Variants in RSAD2 observed in about 807,000 individuals in gnomAD.
RSAD2 encodes S-adenosylmethionine-dependent nucleotide dehydratase RSAD2.
A neutral mutation model predicts 37.7 loss-of-function variants in RSAD2; 38 were observed. That is an observed-to-expected ratio of 1.01 (90% CI 0.78 to 1.32). The LOEUF (loss-of-function observed/expected upper bound fraction) is 1.32. RSAD2 is among the 40% of genes most tolerant of loss of function. The pLI is 0.00. For missense variants in RSAD2, 428 were observed against 437.5 expected, an observed-to-expected ratio of 0.98 and a Z score of 0.19; for synonymous variants, 163 against 157.4, an observed-to-expected ratio of 1.04 and a Z score of -0.27.
Position 6,896,086 on chromosome 2 carries a change from C to A in RSAD2, c.*144C>A. 1.6e-6 allele frequency: 1 copy of A among 643,084 alleles called. No individual in the cohort carries two copies. Among genetic ancestry groups the A allele is most frequent in the Non-Finnish European group, 2.6e-6 (1 of 387,152 alleles). 39.8% of individuals were successfully genotyped at this position (643,084 alleles called of 1,614,324 possible). ...CACGTGGCATCTGATTACCTGTGGT[C>A]ACTGAACACACGAATAACTTGGATA... On this transcript the variant is annotated 3_prime_UTR_variant, in exon 6 of 6. Transcript: ENST00000382040.
At chr2:6,879,198 C>A (rs1663351776) in intron 1 of RSAD2, among the ~76,000 whole-genome samples, 1 of 152,214 alleles carries the variant, frequency 6.6e-6, no homozygotes, top group Non-Finnish European at 1.5e-5. Context: ...AAATGAGAAC[C>A]TGACTTCCCA....
chr2:6,877,084 C>T (rs1022087326), upstream of RSAD2: 2 of 152,148 alleles, frequency 1.3e-5, no homozygotes, highest in Non-Finnish European at 2.9e-5. Flanking sequence ...AATGATGTGT[C>T]GCAGTAATTC....
At chr2:6,870,487 G>A (rs899361979) in intron 1 of RSAD2, among the ~76,000 whole-genome samples, 8 of 152,264 alleles carry the variant, frequency 5.3e-5, no homozygotes, top group South Asian at 2.1e-4. Flanking sequence ...AAGTCTTCCC[G>A]AATTCATACC....
chr2:6,885,681 C>T lies in RSAD2; in HGVS notation c.509-1254C>T, dbSNP rs945365428. The stretch of plus-strand genomic sequence containing the variant: ...GGACACATAGCAAAAGTTGGAAAGG[C>T]GGCAGAATATAGCAATTGACTTACA... On this transcript the variant is annotated intron_variant, in intron 2 of 5. Coordinates refer to ENST00000382040, the MANE Select transcript of RSAD2 (RefSeq NM_080657.5). 1.6e-4 allele frequency among the ~76,000 whole-genome samples: 24 copies of T among 152,110 alleles called. 1 individual carries two copies. Among genetic ancestry groups the T allele is most frequent in the African/African-American group, 3.6e-4 (15 of 41,422 alleles).
intron 4 of RSAD2, among the ~76,000 whole-genome samples, chr2:6,891,503 C>T (rs972229598): frequency 2.0e-5 from 3 of 152,164 alleles, no homozygotes; most frequent in Non-Finnish European, 4.4e-5. Flanking sequence ...CGCGGTGGCT[C>T]ACGCCTGTAA....
chr2:6,884,693 C>A (rs534802984), intron 2 of RSAD2, among the ~76,000 whole-genome samples: 2 of 152,230 alleles, frequency 1.3e-5, no homozygotes, highest in Non-Finnish European at 2.9e-5. Context: ...TAAGAAAAGA[C>A]ACTGTCAGCA....
chr2:6,876,855 A>G (rs573799223), upstream of RSAD2: 5 of 152,332 alleles, frequency 3.3e-5, no homozygotes, highest in African/African-American at 1.2e-4. Flanking sequence ...TTGCTGATGA[A>G]GAAATGGAAA....
chr2:6,884,898 A>G (rs576862599), intron 2 of RSAD2, among the ~76,000 whole-genome samples: 10 of 152,324 alleles, frequency 6.6e-5, no homozygotes, highest in African/African-American at 9.6e-5. Flanking sequence ...AATTAGAAAT[A>G]TTTTTAGGCA....
At position 6,895,865 on chromosome 2, in the gene RSAD2, G is replaced by C. The variant is rs770430742; in HGVS notation, c.1009G>C (p.Gly337Arg). ...TGTAGAAGAAGCTATAAAATTCAGT[G>C]GATTTGATGAAAAGATGTTTCTGAA... ...VGVEEAIKFSGFDEKMFLKRG... is the reference protein window; with the variant it reads ...VGVEEAIKFSRFDEKMFLKRG... Residue 337 changes from glycine to arginine, a missense_variant, in exon 6 of 6, where the codon GGA becomes CGA. Coordinates refer to ENST00000382040, the MANE Select transcript of RSAD2 (RefSeq NM_080657.5). 4 of 1,614,098 alleles carry C rather than the reference G, an allele frequency of 2.5e-6. No homozygotes were observed. Among genetic ancestry groups the C allele is most frequent in the Non-Finnish European group, 2.5e-6 (3 of 1,179,970 alleles).
At chr2:6,884,818 A>G (rs1663483947) in intron 2 of RSAD2, among the ~76,000 whole-genome samples, 1 of 152,224 alleles carries the variant, frequency 6.6e-6, no homozygotes, top group African/African-American at 2.4e-5. Flanking sequence ...TTTGTGCAGC[A>G]AGAGAATTTG....
intron 4 of RSAD2, among the ~76,000 whole-genome samples, chr2:6,892,953 A>G (rs1000342741): frequency 1.3e-5 from 2 of 152,214 alleles, no homozygotes; most frequent in African/African-American, 4.8e-5. Flanking sequence ...CTGGGTCCAT[A>G]AATTAAGTTT....
intron 1 of RSAD2, chr2:6,878,947 C>T (rs1193101521): frequency 1.6e-5 from 13 of 811,248 alleles, no homozygotes; most frequent in Admixed American, 1.4e-4. Context: ...TGATGAATTT[C>T]ACAAAGCAAT....
In RSAD2 at chr2:6,884,653, G is replaced by A. The variant is rs192565515; in HGVS notation, c.508+1121G>A. 2.6e-4 allele frequency among the ~76,000 whole-genome samples: 40 copies of A among 152,296 alleles called. 1 individual carries two copies. Among genetic ancestry groups the A allele is most frequent in the Non-Finnish European group, 2.9e-5 (2 of 68,016 alleles). ...AAATCTCTCAGGCTTGTGGGAGAAA[G>A]TGGTATAAATTAGTGAATTTAGAAG... On this transcript the variant is annotated intron_variant, in intron 2 of 5. Coordinates refer to ENST00000382040, the MANE Select transcript of RSAD2 (RefSeq NM_080657.5).
chr2:6,883,571 CT>C, intron 2 of RSAD2, 39 bp downstream of exon 2: 1 of 1,604,696 alleles, frequency 6.2e-7, no homozygotes, highest in Non-Finnish European at 8.5e-7. Context: ...ATTGCTATTG[CT>C]ATTTTTATTG....
At chr2:6,867,266 AGCT>A (rs1478509354) in intron 1 of RSAD2, among the ~76,000 whole-genome samples, 8 of 152,230 alleles carry the variant, frequency 5.3e-5, no homozygotes, top group Admixed American at 6.5e-5. Context: ...TGGCCAGAGA[AGCT>A]GGAGATCAAG....
chr2:6,874,152 G>T (rs1031025133), upstream of RSAD2, among the ~76,000 whole-genome samples: 8 of 152,006 alleles, frequency 5.3e-5, no homozygotes, highest in African/African-American at 1.9e-4. Context: ...TTTCTCTCTT[G>T]CTCCTGCTCT....
intron 4 of RSAD2, among the ~76,000 whole-genome samples, chr2:6,891,505 C>CGCG: frequency 6.6e-6 from 1 of 152,266 alleles, no homozygotes; most frequent in East Asian, 1.9e-4. Context: ...CGGTGGCTCA[C>CGCG]GCCTGTAATC....
At chr2:6,893,619 C>T in intron 4 of RSAD2, 52 bp from the exon 5 acceptor site, 3 of 1,415,972 alleles carry the variant, frequency 2.1e-6, no homozygotes, top group Admixed American at 1.7e-5. Flanking sequence ...ATTGAGCTCA[C>T]ATACTGAGAA....
At position 6,897,052 on chromosome 2, in the gene RSAD2, A is replaced by C. The variant is rs1299284835; in HGVS notation, c.*1110A>C. On this transcript the variant is annotated 3_prime_UTR_variant, in exon 6 of 6. Transcript: ENST00000382040. ...CATGTCAGTGAAGCCAAGTCACCAT[A>C]TCATATTTTTGAATGAACTCTGAGT... 5 of 152,148 alleles carry C rather than the reference A, an allele frequency of 3.3e-5. No individual in the cohort carries two copies. Among genetic ancestry groups the C allele is most frequent in the Non-Finnish European group, 7.3e-5 (5 of 68,044 alleles). The allele number at this position is 152,148 out of a possible 1,614,324, so 9.4% of individuals were successfully genotyped here.
Sources: allele counts gnomAD v4.1 joint callset (sites outside exome capture counted in the v4.1 genomes callset), GRCh38; gene constraint gnomAD v4.1.1; transcripts MANE v1.5; gene names NCBI Gene and HGNC (gene_info 2026-07-23, HGNC 2026-07-21).